The following ARHGAP39 variants were observed in gnomAD, a reference collection of about 807,000 sequenced individuals.
ARHGAP39 encodes rho GTPase-activating protein 39.
Under a neutral mutation model 106.9 loss-of-function variants are expected in ARHGAP39, and 44 were observed. The observed-to-expected ratio is 0.41, with a 90% CI of 0.32 to 0.53. The LOEUF (loss-of-function observed/expected upper bound fraction) is 0.53, where lower values mean the gene tolerates loss of function less well. Ranked by LOEUF, ARHGAP39 falls within the 20% of genes least tolerant of loss-of-function variation. ARHGAP39 has a pLI of 0.21. For missense variants in ARHGAP39, 1,496 were observed against 1,577.3 expected, an observed-to-expected ratio of 0.95 and a Z score of 0.87; for synonymous variants, 768 against 693.2, an observed-to-expected ratio of 1.11 and a Z score of -1.69.
intron 5 of ARHGAP39, 72 bp from the exon 6 acceptor site, chr8:144,545,882 G>T (rs1817398802): frequency 7.6e-7 from 1 of 1,317,258 alleles, no homozygotes; most frequent in Non-Finnish European, 9.9e-7. Context: ...CTGGGCCACA[G>T]TCCCCAGAAG....
chr8:144,532,859 C>T (rs1037287722), intron 9 of ARHGAP39, among the ~76,000 whole-genome samples: 8 of 152,222 alleles, frequency 5.3e-5, no homozygotes, highest in Non-Finnish European at 8.8e-5. Context: ...TGTCCAAGCA[C>T]GCTCTGGACC....
intron 1 of ARHGAP39, among the ~76,000 whole-genome samples, chr8:144,674,254 G>A (rs1822174930): frequency 6.6e-6 from 1 of 152,210 alleles, no homozygotes; most frequent in Admixed American, 6.5e-5. Context: ...GTGAACAACT[G>A]GAGAGTGAGC....
rs576884003 is a variant in ARHGAP39, at chr8:144,533,290, A to G, written c.2724T>C (p.His908=). 46 of 1,613,080 alleles carry G rather than the reference A, an allele frequency of 2.9e-5. No individual in the cohort carries two copies. In the East Asian group the frequency reaches 8.9e-4, roughly 31 times the overall value. ...LKKPNVEEIR[H]AKNAVFSPSM... is the part of the protein sequence containing the mutation. The stretch of plus-strand genomic sequence containing the variant: ...ACGGGCTGAACACGGCGTTCTTGGC[A>G]TGCCGGATCTCCTCCACGTTGGGCT... Residue 908 remains histidine, a synonymous_variant, in exon 9 of 12, where the codon CAT becomes CAC. Transcript: ENST00000377307.
Position 144,533,117 on chromosome 8 carries a change from C to T in ARHGAP39, c.2888+9G>A. 1.9e-6 allele frequency: 3 copies of T among 1,593,930 alleles called. No homozygotes were observed. The highest frequency in any genetic ancestry group is 2.6e-6 in the Non-Finnish European group (3 of 1,171,042). On this transcript the variant is annotated intron_variant, in intron 9 of 11. Transcript: ENST00000377307. ...CCCCCACACCCGGCGCCCGGGGTTGCCGTGGCACCTGAAGATGCCCTCTGT... is the reference window on the plus strand; with the variant it reads ...CCCCCACACCCGGCGCCCGGGGTTGTCGTGGCACCTGAAGATGCCCTCTGT...
intron 1 of ARHGAP39, among the ~76,000 whole-genome samples, chr8:144,669,550 G>C (rs1049873524): frequency 7.0e-6 from 1 of 142,548 alleles, no homozygotes; most frequent in Non-Finnish European, 1.5e-5. Context: ...AAGGCCTTAT[G>C]TACTGCAAAA....
chr8:144,545,798 C>T lies in ARHGAP39; in HGVS notation c.1972G>A (p.Ala658Thr), dbSNP rs199753661. Residue 658 changes from alanine (A) to threonine (T), a missense_variant, in exon 6 of 12, where the codon GCT (alanine) becomes ACT (threonine). Ala to Thr is a moderately conservative substitution (Grantham distance 58, BLOSUM62 0). Transcript: ENST00000377307. The stretch of plus-strand genomic sequence containing the variant: ...CTGCTCTCGAACTGGGCACAGGCAG[C>T]GAGGTCCTCAGACTGAGAAGGACAA... ...YLHPSQSEDLAACAQFESSRQ... is the reference protein window; with the variant it reads ...YLHPSQSEDLTACAQFESSRQ... 41 of 1,550,270 alleles carry T rather than the reference C, an allele frequency of 2.6e-5. No individual in the cohort carries two copies. The highest frequency in any genetic ancestry group is 4.1e-5 in the African/African-American group (3 of 73,584).
chr8:144,628,958 G>A (rs943761363), intron 1 of ARHGAP39, among the ~76,000 whole-genome samples: 5 of 152,180 alleles, frequency 3.3e-5, no homozygotes, highest in Admixed American at 2.6e-4. Flanking sequence ...GGACGCGTGC[G>A]ATTCTTGTGA....
intron 4 of ARHGAP39, among the ~76,000 whole-genome samples, 163 bp downstream of exon 4, chr8:144,555,397 G>T (rs1305650369): frequency 6.6e-6 from 1 of 152,190 alleles, no homozygotes; most frequent in Admixed American, 6.5e-5. Flanking sequence ...AGCTCTAAGG[G>T]GCTCCTGTCC....
chr8:144,605,520 C>T lies in ARHGAP39; in HGVS notation c.80+15G>A, dbSNP rs199735944. The T allele has an allele frequency of 5.3e-5, 85 of 1,613,508 alleles. No homozygotes were observed. Among genetic ancestry groups the T allele is most frequent in the South Asian group, 2.6e-4 (24 of 91,070 alleles). On this transcript the variant is annotated intron_variant, in intron 2 of 11. Coordinates refer to ENST00000377307, the MANE Select transcript of ARHGAP39 (RefSeq NM_025251.3). ...GTGAGGCCCGGGCAGCTCCGCAGGT[C>T]GGTCGGCTCCTTACCGAGTGTTCGA... is the stretch of plus-strand genomic sequence containing the variant.
chr8:144,652,074 G>T (rs944156948), intron 1 of ARHGAP39, among the ~76,000 whole-genome samples: 3 of 152,084 alleles, frequency 2.0e-5, no homozygotes, highest in Non-Finnish European at 4.4e-5. Flanking sequence ...TGATAAATGA[G>T]ATCAATAAAT....
intron 2 of ARHGAP39, among the ~76,000 whole-genome samples, chr8:144,603,952 G>A (rs975164506): frequency 6.6e-6 from 1 of 152,204 alleles, no homozygotes; most frequent in Non-Finnish European, 1.5e-5. Flanking sequence ...CCAAGCCAGT[G>A]AAGAGCAAGC....
intron 1 of ARHGAP39, among the ~76,000 whole-genome samples, chr8:144,622,227 G>C (rs936489935): frequency 2.0e-5 from 3 of 152,100 alleles, no homozygotes; most frequent in Non-Finnish European, 4.4e-5. Context: ...GGGGGCCTTG[G>C]GGCACCAGAG....
intron 1 of ARHGAP39, among the ~76,000 whole-genome samples, chr8:144,674,158 T>C (rs1425063692): frequency 1.3e-5 from 2 of 152,070 alleles, no homozygotes; most frequent in Non-Finnish European, 2.9e-5. Flanking sequence ...AGTGTGTGTT[T>C]CAGCCCTGTT....
At chr8:144,662,782 C>T (rs935705074) in intron 1 of ARHGAP39, among the ~76,000 whole-genome samples, 16 of 146,912 alleles carry the variant, frequency 1.1e-4, no homozygotes, top group African/African-American at 3.8e-4. Flanking sequence ...TGGACTGTTT[C>T]CCCCTCCCCC....
intron 2 of ARHGAP39, among the ~76,000 whole-genome samples, chr8:144,601,574 G>A (rs1165409230): frequency 7.0e-6 from 1 of 142,876 alleles, no homozygotes; most frequent in Non-Finnish European, 1.5e-5. Flanking sequence ...GTACCTGTGT[G>A]CATGTGCGTG....
At chr8:144,544,275 C>G (rs1286591712) in intron 6 of ARHGAP39, among the ~76,000 whole-genome samples, 1 of 152,272 alleles carries the variant, frequency 6.6e-6, no homozygotes, top group African/African-American at 2.4e-5. Context: ...TCCCACTGCC[C>G]TGTGGCCTCC....
Position 144,639,424 on chromosome 8 carries a change from T to TA in ARHGAP39, c.-81-33730dup, listed in dbSNP as rs995789414. ...CTATCACAAAAACTATTTCAAAATA[T>TA]AAAAAAAGAACTTCTTAAATCATCA... is the stretch of plus-strand genomic sequence containing the variant. On this transcript the variant is annotated intron_variant, in intron 1 of 11. Transcript: ENST00000377307. Among the ~76,000 whole-genome samples the TA allele has an allele frequency of 4.6e-5, 7 of 151,546 alleles. No homozygotes were observed. In the East Asian group the frequency reaches 1.4e-3, roughly 29 times the overall value.
chr8:144,631,613 C>T (rs528963950), intron 1 of ARHGAP39, among the ~76,000 whole-genome samples: 3 of 152,160 alleles, frequency 2.0e-5, no homozygotes, highest in African/African-American at 4.8e-5. Flanking sequence ...CTGAACCTGT[C>T]GAGGTGGATG....
chr8:144,608,096 G>T (rs1251465807), intron 1 of ARHGAP39, among the ~76,000 whole-genome samples: 1 of 145,840 alleles, frequency 6.9e-6, no homozygotes, highest in Non-Finnish European at 1.5e-5. Context: ...GGCTGAGGTT[G>T]CAGTGAGCCG....
Sources: gnomAD v4.1 joint callset for allele counts (sites outside exome capture counted in the v4.1 genomes callset) on GRCh38, gnomAD v4.1.1 for gene constraint, MANE v1.5 for transcripts, NCBI Gene and HGNC (gene_info 2026-07-23, HGNC 2026-07-21) for gene names.